Variants in RASA3 observed in about 807,000 individuals in gnomAD.
The protein encoded by RASA3 is RAS p21 protein activator 3.
A neutral mutation model predicts 110.0 loss-of-function variants in RASA3; 73 were observed. The ratio of observed to expected loss-of-function variants is 0.66; its 90% confidence interval spans 0.55 to 0.81. RASA3 has a LOEUF of 0.81. Ranked by LOEUF, RASA3 falls within the 30% of genes least tolerant of loss-of-function variation. The pLI, the probability that RASA3 is intolerant of heterozygous loss-of-function variation, is 0.00. For missense variants in RASA3, 976 were observed against 1,113.2 expected, an observed-to-expected ratio of 0.88 and a Z score of 1.75; for synonymous variants, 500 against 451.4, an observed-to-expected ratio of 1.11 and a Z score of -1.37.
chr13:114,119,382 G>A (rs2080334556), intron 1 of RASA3, among the ~76,000 whole-genome samples: 3 of 152,154 alleles, frequency 2.0e-5, no homozygotes, highest in Non-Finnish European at 2.9e-5. Context: ...GACCAGCTGG[G>A]GAATTCAGGA....
intron 3 of RASA3, among the ~76,000 whole-genome samples, chr13:114,045,739 T>C (rs1288618269): frequency 1.3e-5 from 2 of 152,214 alleles, no homozygotes; most frequent in Non-Finnish European, 2.9e-5. Context: ...ATACAAGCAA[T>C]GACCATGAAA....
At chr13:114,052,671 C>T (rs1027161635) in intron 2 of RASA3, among the ~76,000 whole-genome samples, 26 of 147,328 alleles carry the variant, frequency 1.8e-4, no homozygotes, top group African/African-American at 5.3e-4. Flanking sequence ...TTAGAGTCCT[C>T]GCTCCTGGGG....
chr13:114,053,327 T>C (rs2139566984), intron 2 of RASA3, among the ~76,000 whole-genome samples: 1 of 152,348 alleles, frequency 6.6e-6, no homozygotes, highest in African/African-American at 2.4e-5. Context: ...CCAGTGGGCT[T>C]TGCCATTCAG....
At chr13:114,042,976 C>T (rs983099618) in intron 3 of RASA3, among the ~76,000 whole-genome samples, 7 of 152,332 alleles carry the variant, frequency 4.6e-5, no homozygotes, top group South Asian at 2.1e-4. Flanking sequence ...CCTATGTTGG[C>T]GTCCCCACCC....
chr13:114,016,610 G>A (rs903621866), intron 12 of RASA3, among the ~76,000 whole-genome samples: 15 of 152,214 alleles, frequency 9.9e-5, no homozygotes, highest in African/African-American at 3.4e-4. Flanking sequence ...CTCAGGGAGC[G>A]ATGTGCGCCC....
chr13:113,989,593 C>T (rs551150313), intron 22 of RASA3, among the ~76,000 whole-genome samples: 1 of 150,724 alleles, frequency 6.6e-6, no homozygotes, highest in East Asian at 2.0e-4. Flanking sequence ...ATCACTCACC[C>T]CAGTCCATCC....
At chr13:114,034,485 G>A (rs1246902458) in intron 4 of RASA3, among the ~76,000 whole-genome samples, 4 of 152,208 alleles carry the variant, frequency 2.6e-5, no homozygotes, top group Non-Finnish European at 4.4e-5. Context: ...TCCTGGCCGG[G>A]TCCAGGGGCA....
chr13:114,013,436 CATCTCTCT>C (rs1408297812), intron 14 of RASA3, among the ~76,000 whole-genome samples, 188 bp from the exon 15 acceptor site: 1 of 74,162 alleles, frequency 1.3e-5, no homozygotes, highest in Non-Finnish European at 2.6e-5. Flanking sequence ...TCTCTCTCTC[CATCTCTCT>C]GTCTCTCCCC....
rs546193139 is a variant in RASA3, at chr13:114,099,194, C to G, written c.56-25357G>C. Among the ~76,000 whole-genome samples the G allele has an allele frequency of 9.3e-5, 14 of 150,974 alleles. No homozygotes were observed. In the South Asian group the frequency reaches 3.0e-3, roughly 32 times the overall value. On this transcript the variant is annotated intron_variant, in intron 1 of 23. Transcript: ENST00000334062. ...AGCAGTCGGGGCCCGGCCACCCGAGCCCCCCAGACCACCCCTCCTTTTCTC... is the reference window on the plus strand; with the variant it reads ...AGCAGTCGGGGCCCGGCCACCCGAGGCCCCCAGACCACCCCTCCTTTTCTC...
At chr13:113,990,977 G>A (rs36082378) in intron 22 of RASA3, among the ~76,000 whole-genome samples, 29,945 of 117,184 alleles carry the variant, frequency 0.26, 6,660 homozygotes, top group East Asian at 0.36. Flanking sequence ...TCACAGATGG[G>A]CAGCTGCACG....
chr13:113,998,898 G>GC, intron 20 of RASA3, among the ~76,000 whole-genome samples: 1 of 152,388 alleles, frequency 6.6e-6, no homozygotes, highest in South Asian at 2.1e-4. Context: ...GGACTGGACA[G>GC]CGGCAAACTC....
chr13:114,087,546 CAA>C (rs1013118154), intron 1 of RASA3, among the ~76,000 whole-genome samples: 10 of 152,340 alleles, frequency 6.6e-5, no homozygotes, highest in Non-Finnish European at 1.0e-4. Flanking sequence ...CCTGGGAAGG[CAA>C]AGTCACCTGC....
rs1190356852 is a variant in RASA3, at chr13:113,995,781, G to A, written c.2141+750C>T. ...CGGGGGCCCGGCTGACGGGGGGCCCGGCTGACGGGGGGTCCGGCTGATGGG... is the reference window on the plus strand; with the variant it reads ...CGGGGGCCCGGCTGACGGGGGGCCCAGCTGACGGGGGGTCCGGCTGATGGG... On this transcript the variant is annotated intron_variant, in intron 21 of 23. Coordinates refer to ENST00000334062, the MANE Select transcript of RASA3 (RefSeq NM_007368.4). Among the ~76,000 whole-genome samples, 3 of 46,978 alleles carry A rather than the reference G, an allele frequency of 6.4e-5. 1 individual carries two copies. The highest frequency in any genetic ancestry group is 1.7e-4 in the Admixed American group (1 of 5,786). The allele number at this position is 46,978 out of a possible 152,430, so 30.8% of individuals were successfully genotyped here.
Position 114,065,488 on chromosome 13 carries a change from C to T in RASA3, c.173+8232G>A, listed in dbSNP as rs1220108455. Among the ~76,000 whole-genome samples, 1 of 152,164 alleles carries T rather than the reference C, an allele frequency of 6.6e-6. No individual in the cohort carries two copies. The highest frequency in any genetic ancestry group is 2.4e-5 in the African/African-American group (1 of 41,438). ...CAGCCTCTGGGCTGAGCTCTGCGGT[C>T]CTGAGTCACTGCCTGACTCATCCTC... On this transcript the variant is annotated intron_variant, in intron 2 of 23. Transcript: ENST00000334062. This position sits in a 1 kb window ranked among gnomAD's most constrained non-coding sequence, Gnocchi z 4.1.
intron 18 of RASA3, among the ~76,000 whole-genome samples, chr13:114,002,653 G>A (rs1376100241): frequency 1.3e-5 from 2 of 152,158 alleles, no homozygotes; most frequent in African/African-American, 4.8e-5. Context: ...ACTTTCTGAG[G>A]GCCTTCAGTG....
intron 1 of RASA3, among the ~76,000 whole-genome samples, chr13:114,122,440 C>G (rs920155172): frequency 6.6e-6 from 1 of 152,202 alleles, no homozygotes; most frequent in African/African-American, 2.4e-5. Context: ...GTCCATCAGT[C>G]TGACCCCAGC....
At position 114,091,824 on chromosome 13, in the gene RASA3, G is replaced by A. The variant is rs182780256; in HGVS notation, c.56-17987C>T. ...ATGTTTGAATGATCCATCAGGGCCTGGGCTTTTTCTTTGCTGGGAGATTTT... is the reference window on the plus strand; with the variant it reads ...ATGTTTGAATGATCCATCAGGGCCTAGGCTTTTTCTTTGCTGGGAGATTTT... On this transcript the variant is annotated intron_variant, in intron 1 of 23. Transcript: ENST00000334062. Among the ~76,000 whole-genome samples the A allele has an allele frequency of 3.0e-3, 453 of 152,058 alleles. 3 individuals are homozygous for A. Among genetic ancestry groups the A allele is most frequent in the Admixed American group, 4.5e-3 (69 of 15,268 alleles).
At chr13:114,003,383 G>A (rs889250396) in intron 18 of RASA3, among the ~76,000 whole-genome samples, 4 of 152,234 alleles carry the variant, frequency 2.6e-5, no homozygotes, top group Admixed American at 1.3e-4. Context: ...GCTTCTCGGC[G>A]TCAGACACAC....
rs1179854977 is a variant in RASA3 at position 114,097,659 on chromosome 13, CCTT to C, written c.56-23825_56-23823del. The stretch of plus-strand genomic sequence containing the variant: ...AGTGCCCGGCCACAAAGGCTGCCGT[CCTT>C]CTCCTCGTCCCAGTCCATCTTACAG... On this transcript the variant is annotated intron_variant, in intron 1 of 23. Transcript: ENST00000334062. 5.3e-5 allele frequency among the ~76,000 whole-genome samples: 8 copies of C among 152,360 alleles called. No individual in the cohort carries two copies. The East Asian group carries it at 1.5e-3, about 29-fold the overall frequency.
Sources: allele counts gnomAD v4.1 joint callset (sites outside exome capture counted in the v4.1 genomes callset), GRCh38; gene constraint gnomAD v4.1.1; non-coding constraint Gnocchi (gnomAD v3.1); transcripts MANE v1.5; gene names NCBI Gene and HGNC (gene_info 2026-07-23, HGNC 2026-07-21).